PAICS: variants seen among roughly 807,000 people sequenced by gnomAD.
The protein encoded by PAICS is phosphoribosylaminoimidazole carboxylase and phosphoribosylaminoimidazolesuccinocarboxamide synthase.
A neutral mutation model predicts 53.7 loss-of-function variants in PAICS; 33 were observed. The observed-to-expected ratio is 0.61, with a 90% CI of 0.47 to 0.82. The LOEUF is 0.82. Ranked by LOEUF, PAICS falls within the 40% of genes least tolerant of loss-of-function variation. PAICS has a pLI of 0.00. For synonymous variants in PAICS, 141 were observed against 167.2 expected (o/e 0.84, Z 1.21); for missense variants, 394 against 494.1 (o/e 0.80, Z 1.92).
chr4:56,453,523 T>C (rs1478366529), intron 7 of PAICS, 80 bp from the exon 8 acceptor site: 2 of 1,035,334 alleles, frequency 1.9e-6, no homozygotes, highest in African/African-American at 3.5e-5. Flanking sequence ...ATATAGGCCT[T>C]AAACCAAAAA....
chr4:56,425,868 T>C, the PAICS span, among the ~76,000 whole-genome samples: 1 of 152,206 alleles, frequency 6.6e-6, no homozygotes, highest in African/African-American at 2.4e-5. Flanking sequence ...GGAAGCTCCG[T>C]ACAATGCAGT....
chr4:56,442,576 A>C (rs1718397337), intron 2 of PAICS, among the ~76,000 whole-genome samples: 1 of 152,184 alleles, frequency 6.6e-6, no homozygotes, highest in Non-Finnish European at 1.5e-5. Flanking sequence ...AAAAGATTTG[A>C]ACTCTTGCCA....
chr4:56,446,396 G>T (rs771772138), intron 2 of PAICS: 1 of 717,702 alleles, frequency 1.4e-6, no homozygotes, highest in South Asian at 1.5e-5. Context: ...TTGTTCTTTT[G>T]CATTTTGTGT....
intron 5 of PAICS, among the ~76,000 whole-genome samples, chr4:56,449,263 A>G (rs1209042412): frequency 1.3e-5 from 2 of 152,224 alleles, no homozygotes; most frequent in African/African-American, 4.8e-5. Flanking sequence ...CAAACATGAA[A>G]AAAAGCTCAT....
At chr4:56,456,705 G>GT (rs1560665469) in intron 8 of PAICS, among the ~76,000 whole-genome samples, 4 of 134,844 alleles carry the variant, frequency 3.0e-5, no homozygotes, top group East Asian at 2.3e-4. Context: ...CTGCCTCTGG[G>GT]GTTTTTTTTT....
intron 5 of PAICS, 40 bp downstream of exon 5, chr4:56,448,863 A>G (rs1394378261): frequency 1.9e-6 from 2 of 1,057,822 alleles, no homozygotes; most frequent in Admixed American, 4.0e-5. Flanking sequence ...TTTTGAGATC[A>G]AGCTGAGATA....
At chr4:56,412,654 C>G in the PAICS span, among the ~76,000 whole-genome samples, 3 of 152,170 alleles carry the variant, frequency 2.0e-5, no homozygotes, top group African/African-American at 7.2e-5. Context: ...ATCACTTATA[C>G]AGAAACATTT....
chr4:56,454,012 T>C (rs1191408545), intron 8 of PAICS, among the ~76,000 whole-genome samples: 1 of 152,208 alleles, frequency 6.6e-6, no homozygotes, highest in Non-Finnish European at 1.5e-5. Flanking sequence ...GATATTGTTA[T>C]AGAACAAAAG....
At chr4:56,418,494 A>AT in the PAICS span, among the ~76,000 whole-genome samples, 1 of 151,874 alleles carries the variant, frequency 6.6e-6, no homozygotes, top group Non-Finnish European at 1.5e-5. Context: ...TAATTTTTGC[A>AT]TTTTTTTGTA....
At chr4:56,427,159 G>A in the PAICS span, among the ~76,000 whole-genome samples, 2 of 152,056 alleles carry the variant, frequency 1.3e-5, no homozygotes, top group South Asian at 2.1e-4. Context: ...TCTGCCTTTC[G>A]GCTATTATCA....
chr4:56,450,914 T>A, intron 6 of PAICS: 1 of 374,484 alleles, frequency 2.7e-6, no homozygotes, highest in Non-Finnish European at 4.9e-6. Flanking sequence ...GCCTCCCGGG[T>A]TCACGCCATT....
At chr4:56,454,994 C>G (rs575276357) in intron 8 of PAICS, among the ~76,000 whole-genome samples, 2 of 152,156 alleles carry the variant, frequency 1.3e-5, no homozygotes, top group East Asian at 3.9e-4. Context: ...CCCATCTCTA[C>G]TAAAAATACA....
At position 56,460,240 on chromosome 4, in the gene PAICS, G is replaced by A. The variant is rs17051687; in HGVS notation, c.*702G>A. ...CCCTGTCTGTCCCATGGGCACTCAT[G>A]AAAAAACAGAATGCTCCCAACTTTA... is the stretch of plus-strand genomic sequence containing the variant. On this transcript the variant is annotated 3_prime_UTR_variant, in exon 9 of 9. Coordinates refer to ENST00000512576, the MANE Select transcript of PAICS (RefSeq NM_001079524.2). 0.36 allele frequency: 54,625 copies of A among 151,548 alleles called. 11,069 individuals carry two copies. The highest frequency in any genetic ancestry group is 0.66 in the East Asian group (3,377 of 5,118). The allele number at this position is 151,548 out of a possible 1,614,324, so 9.4% of individuals were successfully genotyped here. A position where few individuals can be genotyped will look rare whatever the true frequency, so the allele number is the denominator to read the frequency against.
rs1025880679 is a variant in PAICS, at chr4:56,463,445, G to C, written c.*3907G>C. ...GCAGTGGCTCACGCCTGTAATCCCA[G>C]CACTTTGGGAGGGTGAGGTGGGCAG... On this transcript the variant is annotated 3_prime_UTR_variant, in exon 9 of 9. Coordinates refer to ENST00000512576, the MANE Select transcript of PAICS (RefSeq NM_001079524.2). 6.6e-6 allele frequency: 1 copy of C among 152,002 alleles called. No homozygotes were observed. The highest frequency in any genetic ancestry group is 2.4e-5 in the African/African-American group (1 of 41,298). 9.4% of individuals were successfully genotyped at this position (152,002 alleles called of 1,614,324 possible).
chr4:56,432,263 C>G (rs1394644179), upstream of PAICS, among the ~76,000 whole-genome samples: 6 of 152,116 alleles, frequency 3.9e-5, no homozygotes, highest in African/African-American at 1.4e-4. Context: ...CATGGTGGCT[C>G]ACGCCTGTAA....
At chr4:56,453,857 T>G in intron 8 of PAICS, 96 bp downstream of exon 8, 1 of 774,846 alleles carries the variant, frequency 1.3e-6, no homozygotes. Flanking sequence ...CATGTACCCA[T>G]GACCTAGCTT....
chr4:56,425,502 C>A, the PAICS span: 1 of 311,302 alleles, frequency 3.2e-6, no homozygotes, highest in Non-Finnish European at 4.7e-6. Context: ...ATTATGAAGT[C>A]ATGATTTTTC....
the PAICS span, among the ~76,000 whole-genome samples, chr4:56,415,965 A>C: frequency 3.9e-5 from 6 of 151,932 alleles, no homozygotes; most frequent in African/African-American, 1.4e-4. Context: ...AGCTACTCAT[A>C]AGGCTGAGGC....
the PAICS span, among the ~76,000 whole-genome samples, chr4:56,415,113 T>A: frequency 6.6e-6 from 1 of 152,198 alleles, no homozygotes; most frequent in African/African-American, 2.4e-5. Context: ...AACATAATGG[T>A]GAATCATGAT....
Sources: allele counts gnomAD v4.1 joint callset (sites outside exome capture counted in the v4.1 genomes callset), GRCh38; gene constraint gnomAD v4.1.1; transcripts MANE v1.5; gene names NCBI Gene and HGNC (gene_info 2026-07-23, HGNC 2026-07-21).